The following KLHL20 variants were observed in gnomAD, a reference collection of about 807,000 sequenced individuals.
The protein encoded by KLHL20 is kelch like family member 20.
Under a neutral mutation model 69.5 loss-of-function variants are expected in KLHL20, and 29 were observed. That is an observed-to-expected ratio of 0.42 (90% confidence interval 0.31 to 0.57). KLHL20 has a LOEUF of 0.57. Among genes scored for constraint, KLHL20 ranks in the 20% least tolerant of loss-of-function variants. The pLI is 0.18. For synonymous variants in KLHL20, 253 were observed against 265.2 expected (o/e 0.95, Z 0.45); for missense variants, 419 against 776.0 (o/e 0.54, Z 5.47).
chr1:173,763,092 G>A (rs765092580), intron 7 of KLHL20, among the ~76,000 whole-genome samples: 3 of 151,592 alleles, frequency 2.0e-5, no homozygotes, highest in Admixed American at 6.6e-5. Flanking sequence ...GCAACCAAGC[G>A]GAGAATCAAA....
At chr1:173,755,059 C>CTTTTTTT (rs372616022) in intron 5 of KLHL20, among the ~76,000 whole-genome samples, 4 of 133,536 alleles carry the variant, frequency 3.0e-5, no homozygotes, top group Non-Finnish European at 4.8e-5. Context: ...AAGTCTTTGT[C>CTTTTTTT]TTTTTTTTTT....
At chr1:173,784,700 A>T (rs1024965611) in intron 11 of KLHL20, among the ~76,000 whole-genome samples, 1 of 152,226 alleles carries the variant, frequency 6.6e-6, no homozygotes, top group African/African-American at 2.4e-5. Flanking sequence ...TTTGTTCTAT[A>T]AAGGACTTGA....
At chr1:173,739,246 G>A (rs942852045) in intron 3 of KLHL20, among the ~76,000 whole-genome samples, 2 of 151,832 alleles carry the variant, frequency 1.3e-5, no homozygotes, top group African/African-American at 2.4e-5. Context: ...CTAATTTTTT[G>A]TATGTTAGTG....
chr1:173,739,744 C>T (rs905253390), intron 3 of KLHL20, among the ~76,000 whole-genome samples: 13 of 149,072 alleles, frequency 8.7e-5, no homozygotes, highest in Admixed American at 8.1e-4. Flanking sequence ...CTCTGCCTCC[C>T]GGGTTCAAGC....
chr1:173,741,952 G>C (rs1672826149), intron 3 of KLHL20: 1 of 845,024 alleles, frequency 1.2e-6, no homozygotes, highest in Admixed American at 2.1e-5. Flanking sequence ...ATCAAGATAA[G>C]TGGGAAACCA....
chr1:173,768,880 G>C (rs1344578186), intron 8 of KLHL20, among the ~76,000 whole-genome samples: 3 of 152,184 alleles, frequency 2.0e-5, no homozygotes, highest in Non-Finnish European at 2.9e-5. Flanking sequence ...AGACCTGCAT[G>C]ATATTAGTAT....
intron 8 of KLHL20, among the ~76,000 whole-genome samples, chr1:173,771,487 A>G (rs952130203): frequency 6.6e-6 from 1 of 152,124 alleles, no homozygotes; most frequent in Non-Finnish European, 1.5e-5. Context: ...TGGGTGTGGT[A>G]GCTCTGACCT....
chr1:173,743,119 T>TA (rs34507412), intron 3 of KLHL20, among the ~76,000 whole-genome samples: 98 of 136,932 alleles, frequency 7.2e-4, no homozygotes, highest in Middle Eastern at 3.8e-3. Flanking sequence ...AAGGAATGTG[T>TA]AAAAAAAAAA....
intron 7 of KLHL20, among the ~76,000 whole-genome samples, chr1:173,757,768 T>C (rs991058306): frequency 3.3e-5 from 5 of 152,184 alleles, no homozygotes; most frequent in African/African-American, 9.6e-5. Context: ...AGTTAGTTAC[T>C]AGTTACTTGT....
chr1:173,776,242 G>C (rs1648457720), intron 10 of KLHL20, among the ~76,000 whole-genome samples: 1 of 152,000 alleles, frequency 6.6e-6, no homozygotes, highest in African/African-American at 2.4e-5. Context: ...TTTGGAGAAA[G>C]GTCTATTCAG....
chr1:173,721,271 A>G (rs1246188494), intron 2 of KLHL20, among the ~76,000 whole-genome samples: 1 of 152,188 alleles, frequency 6.6e-6, no homozygotes, highest in Non-Finnish European at 1.5e-5. Flanking sequence ...CCAATCTCGT[A>G]TCTTTGAAAT....
At chr1:173,736,333 T>C (rs1027030790) in intron 3 of KLHL20, among the ~76,000 whole-genome samples, 1 of 152,180 alleles carries the variant, frequency 6.6e-6, no homozygotes, top group African/African-American at 2.4e-5. Context: ...ACTTGTTGAT[T>C]GATGGGCATT....
rs975846441 is a variant in KLHL20 at position 173,742,732 on chromosome 1, ATG to A, written c.597+8452_597+8453del. ...CATATGTACACATGTATGTATATACATGTGTGTATATATGTAAATATGTATAT... is the reference window on the plus strand; with the variant it reads ...CATATGTACACATGTATGTATATACATGTGTATATATGTAAATATGTATAT... On this transcript the variant is annotated intron_variant, in intron 3 of 11. Transcript: ENST00000209884. 3.3e-5 allele frequency among the ~76,000 whole-genome samples: 5 copies of A among 151,090 alleles called. No individual in the cohort carries two copies. The South Asian group carries it at 6.2e-4, about 19-fold the overall frequency.
At chr1:173,716,570 G>C (rs558739043) in intron 2 of KLHL20, among the ~76,000 whole-genome samples, 27 of 152,238 alleles carry the variant, frequency 1.8e-4, no homozygotes, top group African/African-American at 6.3e-4. Flanking sequence ...TAATAACTTA[G>C]TCCATAGAAA....
At chr1:173,721,156 G>A (rs1453099830) in intron 2 of KLHL20, among the ~76,000 whole-genome samples, 1 of 152,020 alleles carries the variant, frequency 6.6e-6, no homozygotes, top group African/African-American at 2.4e-5. Context: ...CATGCTTTGG[G>A]TCTTATTTTA....
At chr1:173,742,764 A>G (rs901451334) in intron 3 of KLHL20, among the ~76,000 whole-genome samples, 13 of 151,228 alleles carry the variant, frequency 8.6e-5, no homozygotes, top group Non-Finnish European at 1.8e-4. Context: ...GTATATATAC[A>G]CGTATATTTC....
chr1:173,720,967 T>G (rs1015314348), intron 2 of KLHL20, among the ~76,000 whole-genome samples: 2 of 151,412 alleles, frequency 1.3e-5, no homozygotes, highest in Non-Finnish European at 2.9e-5. Flanking sequence ...GGGCTAGAAA[T>G]TTAAAAAAAA....
chr1:173,745,364 T>C (rs532462500), intron 3 of KLHL20, among the ~76,000 whole-genome samples: 4 of 151,994 alleles, frequency 2.6e-5, no homozygotes, highest in Admixed American at 6.6e-5. Flanking sequence ...GGTTTCACCA[T>C]GTTGGCCAGG....
chr1:173,751,706 ACT>A, intron 3 of KLHL20, 56 bp from the exon 4 acceptor site: 2 of 1,544,796 alleles, frequency 1.3e-6, no homozygotes, highest in Non-Finnish European at 1.8e-6. Flanking sequence ...GAAGAAAAAC[ACT>A]GAGACAATAA....
Sources: allele counts gnomAD v4.1 joint callset (sites outside exome capture counted in the v4.1 genomes callset), GRCh38; gene constraint gnomAD v4.1.1; transcripts MANE v1.5; gene names NCBI Gene and HGNC (gene_info 2026-07-23, HGNC 2026-07-21).